The following MARCHF1 variants were observed in gnomAD, a reference collection of about 807,000 sequenced individuals.
The protein encoded by MARCHF1 is E3 ubiquitin-protein ligase MARCHF1.
A neutral mutation model predicts 54.2 loss-of-function variants in MARCHF1; 40 were observed. The ratio of observed to expected loss-of-function variants is 0.74; its 90% CI spans 0.57 to 0.96. The LOEUF (loss-of-function observed/expected upper bound fraction) is 0.96. MARCHF1 is among the 40% of genes least tolerant of loss of function. The pLI is 0.00. For synonymous variants in MARCHF1, 236 were observed against 236.3 expected (o/e 1.00, Z 0.01); for missense variants, 586 against 656.5 (o/e 0.89, Z 1.17).
intron 1 of MARCHF1, among the ~76,000 whole-genome samples, chr4:164,146,961 TCAAA>T (rs1729765256): frequency 6.7e-6 from 1 of 149,796 alleles, no homozygotes; most frequent in African/African-American, 2.5e-5. Flanking sequence ...TACAATGAAC[TCAAA>T]CAAATTTACA....
In MARCHF1 at chr4:164,050,275, C is replaced by CAGAAAAAAAA. The variant is rs1754334487; in HGVS notation, c.-248+61312_-248+61313insTTTTTTTTCT. On this transcript the variant is annotated intron_variant, in intron 2 of 9. Transcript: ENST00000514618. ...GGGCGACGGAGCGAGACACTGTCTC[C>CAGAAAAAAAA]AAAAAAAAAAAAAAAAAAAAAAAAA... is the stretch of plus-strand genomic sequence containing the variant. 9.0e-4 allele frequency among the ~76,000 whole-genome samples: 36 copies of CAGAAAAAAAA among 40,202 alleles called. 1 individual carries two copies. The highest frequency in any genetic ancestry group is 1.3e-3 in the Non-Finnish European group (30 of 23,942). 26.4% of individuals were successfully genotyped at this position (40,202 alleles called of 152,430 possible). A position where few individuals can be genotyped will look rare whatever the true frequency, so the allele number is the denominator to read the frequency against.
At position 163,929,952 on chromosome 4, in the gene MARCHF1, A is replaced by ATT. The variant is rs371512905; in HGVS notation, c.-39+58548_-39+58549insAA. Among the ~76,000 whole-genome samples the ATT allele has an allele frequency of 1.6e-4, 17 of 105,192 alleles. 1 individual carries two copies. Among genetic ancestry groups the ATT allele is most frequent in the Non-Finnish European group, 3.0e-4 (17 of 56,942 alleles). 69.0% of individuals were successfully genotyped at this position (105,192 alleles called of 152,430 possible). A position where few individuals can be genotyped will look rare whatever the true frequency, so the allele number is the denominator to read the frequency against. On this transcript the variant is annotated intron_variant, in intron 3 of 9. Coordinates refer to ENST00000514618, the MANE Select transcript of MARCHF1 (RefSeq NM_001394959.1). ...AATATATTATATATTTATATTATAT[A>ATT]TATTATATATAATATATATAATATA...
intron 3 of MARCHF1, among the ~76,000 whole-genome samples, chr4:163,903,427 A>G (rs755635871): frequency 2.6e-5 from 4 of 152,204 alleles, no homozygotes; most frequent in Admixed American, 2.6e-4. Context: ...AAAAGGAGAT[A>G]AGCATAGAGA....
intron 4 of MARCHF1, among the ~76,000 whole-genome samples, chr4:163,754,097 G>A (rs1746598428): frequency 6.6e-6 from 1 of 152,194 alleles, no homozygotes; most frequent in African/African-American, 2.4e-5. Context: ...ATTGTTATCA[G>A]GAATAGATGG....
chr4:163,869,622 T>C (rs1182475331), intron 3 of MARCHF1, among the ~76,000 whole-genome samples: 1 of 152,064 alleles, frequency 6.6e-6, no homozygotes, highest in Non-Finnish European at 1.5e-5. Flanking sequence ...AATAGAAAAA[T>C]GCTGATACAA....
intron 3 of MARCHF1, among the ~76,000 whole-genome samples, chr4:163,925,787 T>A (rs1012802535): frequency 1.3e-5 from 2 of 151,710 alleles, no homozygotes; most frequent in African/African-American, 4.8e-5. Flanking sequence ...AATTATTAGT[T>A]AATAACATAC....
chr4:164,306,040 CAT>C lies in MARCHF1; in HGVS notation c.-323+77828_-323+77829del, dbSNP rs35303610. Among the ~76,000 whole-genome samples the C allele has an allele frequency of 7.7e-3, 1,170 of 152,144 alleles. 9 individuals carry two copies. The highest frequency in any genetic ancestry group is 0.031 in the Middle Eastern group (9 of 294). ...GTTACGAATAATTCTCACTAATGCA[CAT>C]ATGTCTTATTTACAAATAGCTATAT... On this transcript the variant is annotated intron_variant, in intron 1 of 9. Transcript: ENST00000514618.
chr4:163,850,725 G>T (rs1749618210), intron 4 of MARCHF1, among the ~76,000 whole-genome samples: 1 of 152,190 alleles, frequency 6.6e-6, no homozygotes, highest in Admixed American at 6.5e-5. Context: ...ACTGCTGTTT[G>T]AATTAACTAG....
chr4:164,012,377 A>G (rs923477632), intron 2 of MARCHF1, among the ~76,000 whole-genome samples: 6 of 152,134 alleles, frequency 3.9e-5, no homozygotes, highest in African/African-American at 1.4e-4. Flanking sequence ...AGCATCAGGA[A>G]GATTCCTGAA....
At chr4:163,830,577 T>G (rs1748990357) in intron 4 of MARCHF1, among the ~76,000 whole-genome samples, 1 of 152,070 alleles carries the variant, frequency 6.6e-6, no homozygotes, top group Non-Finnish European at 1.5e-5. Flanking sequence ...TTCTCAGATT[T>G]CCTTGTAGCT....
rs2172688 is a variant in MARCHF1 at position 163,796,224 on chromosome 4, T to G, written c.111+57797A>C. ...TTCCAGAAAAGTGAAACTTCTAGTT[T>G]TTTTTTTTTTTTTTTTTTTTGAGAC... is the stretch of plus-strand genomic sequence containing the variant. On this transcript the variant is annotated intron_variant, in intron 4 of 9. Transcript: ENST00000514618. Among the ~76,000 whole-genome samples, 214 of 70,974 alleles carry G rather than the reference T, an allele frequency of 3.0e-3. 4 individuals are homozygous for G. The highest frequency in any genetic ancestry group is 8.1e-3 in the Middle Eastern group (1 of 124). The allele number at this position is 70,974 out of a possible 152,430, so 46.6% of individuals were successfully genotyped here.
At chr4:164,350,223 A>T (rs1446773280) in intron 1 of MARCHF1, among the ~76,000 whole-genome samples, 1 of 152,190 alleles carries the variant, frequency 6.6e-6, no homozygotes, top group Non-Finnish European at 1.5e-5. Flanking sequence ...CTGTGCAAAA[A>T]GTCTATGTTT....
At chr4:163,675,817 T>C (rs984969400) in intron 5 of MARCHF1, among the ~76,000 whole-genome samples, 1 of 152,180 alleles carries the variant, frequency 6.6e-6, no homozygotes, top group African/African-American at 2.4e-5. Flanking sequence ...TACTGTTCCC[T>C]GCTACAACAG....
chr4:163,613,661 T>C, intron 5 of MARCHF1: 1 of 1,377,228 alleles, frequency 7.3e-7, no homozygotes, highest in Non-Finnish European at 9.4e-7. Context: ...TTCTATTCTA[T>C]TTACTGTAAT....
intron 1 of MARCHF1, among the ~76,000 whole-genome samples, chr4:164,199,659 CACACACACACACACACACACACAG>C (rs1731386172): frequency 1.3e-5 from 1 of 75,934 alleles, no homozygotes; most frequent in African/African-American, 5.3e-5. Flanking sequence ...CACACACACA[CACACACACACACACACACACACAG>C]AGAGAGAGAG....
chr4:163,654,493 C>T (rs1470378442), intron 5 of MARCHF1, among the ~76,000 whole-genome samples: 1 of 151,442 alleles, frequency 6.6e-6, no homozygotes, highest in African/African-American at 2.4e-5. Context: ...TCTATTTCTT[C>T]CTGAAATTTT....
At chr4:163,729,086 AT>A (rs1745752933) in intron 4 of MARCHF1, among the ~76,000 whole-genome samples, 2 of 152,082 alleles carry the variant, frequency 1.3e-5, no homozygotes, top group African/African-American at 4.8e-5. Context: ...AATTTTTTGA[AT>A]GTTGAATCAG....
intron 4 of MARCHF1, among the ~76,000 whole-genome samples, chr4:163,701,963 T>C (rs1744822724): frequency 6.6e-6 from 1 of 152,140 alleles, no homozygotes; most frequent in Non-Finnish European, 1.5e-5. Flanking sequence ...AAATTGCCCA[T>C]GATGACTACT....
intron 2 of MARCHF1, among the ~76,000 whole-genome samples, chr4:164,056,265 T>C (rs189365370): frequency 6.6e-5 from 10 of 152,294 alleles, no homozygotes; most frequent in African/African-American, 2.2e-4. Context: ...GAACAGAAAG[T>C]GCCTGGGAAT....
Sources: allele counts gnomAD v4.1 joint callset (sites outside exome capture counted in the v4.1 genomes callset), GRCh38; gene constraint gnomAD v4.1.1; transcripts MANE v1.5; gene names NCBI Gene and HGNC (gene_info 2026-07-23, HGNC 2026-07-21).